KLHDC2: variants seen among roughly 807,000 people sequenced by gnomAD.
KLHDC2 encodes kelch domain-containing protein 2.
Under a neutral mutation model 62.3 loss-of-function variants are expected in KLHDC2, and 38 were observed. The observed-to-expected ratio is 0.61, with a 90% CI of 0.47 to 0.80. KLHDC2 has a LOEUF of 0.80. Among genes scored for constraint, KLHDC2 ranks in the 30% least tolerant of loss-of-function variants. KLHDC2 has a pLI of 0.00. For synonymous variants in KLHDC2, 159 were observed against 161.0 expected (o/e 0.99, Z 0.09); for missense variants, 430 against 495.3 (o/e 0.87, Z 1.25).
Position 49,768,554 on chromosome 14 carries a change from C to T in KLHDC2, c.86C>T (p.Pro29Leu). 1 of 1,608,756 alleles carries T rather than the reference C, an allele frequency of 6.2e-7. No homozygotes were observed. The highest frequency in any genetic ancestry group is 8.5e-7 in the Non-Finnish European group (1 of 1,178,216). ...TATGAGTCCATGGAGCTTGCCTGCC[C>T]CGCTGAGCGCAGCGGCCACGTAGCC... Reference protein sequence around the residue: ...ESYESMELACPAERSGHVAVS... With the variant: ...ESYESMELACLAERSGHVAVS... The change falls in exon 1 of 13, where the codon CCC becomes CTC. Residue 29 changes from proline to leucine, a missense_variant. Transcript: ENST00000298307.
rs1184234661 is a variant in KLHDC2, at chr14:49,784,674, C to T, written c.*1721C>T. The T allele has an allele frequency of 6.2e-7, 1 of 1,612,690 alleles. No individual in the cohort carries two copies. Among genetic ancestry groups the T allele is most frequent in the South Asian group, 1.1e-5 (1 of 90,764 alleles). ...ACGTTCAGAAGATTGGGTGCAGACA[C>T]TTTCACTTTGCCAGGAATGTTTCTT... On this transcript the variant is annotated 3_prime_UTR_variant, in exon 13 of 13. Transcript: ENST00000298307.
intron 10 of KLHDC2, 79 bp from the exon 11 acceptor site, chr14:49,782,291 T>G: frequency 1.2e-6 from 1 of 860,738 alleles, no homozygotes; most frequent in Non-Finnish European, 1.8e-6. Context: ...TAGTCTTTAT[T>G]TCATAGCTCT....
At position 49,775,600 on chromosome 14, in the gene KLHDC2, G is replaced by C. The variant is rs187579190; in HGVS notation, c.351+922G>C. 4.8e-3 allele frequency among the ~76,000 whole-genome samples: 694 copies of C among 143,148 alleles called. 4 individuals are homozygous for C. The highest frequency in any genetic ancestry group is 6.6e-3 in the Non-Finnish European group (435 of 66,280). The allele number at this position is 143,148 out of a possible 152,430, so 93.9% of individuals were successfully genotyped here. On this transcript the variant is annotated intron_variant, in intron 3 of 12. Coordinates refer to ENST00000298307, the MANE Select transcript of KLHDC2 (RefSeq NM_014315.3). Reference sequence around the variant, plus strand: ...TTGGAAGGAGTAGCCAAGATACAGAGATATAAGCAAATGTCTTTTTTTTTT... The same window carrying C: ...TTGGAAGGAGTAGCCAAGATACAGACATATAAGCAAATGTCTTTTTTTTTT...
chr14:49,768,787 A>C, intron 1 of KLHDC2, 166 bp downstream of exon 1: 1 of 610,918 alleles, frequency 1.6e-6, no homozygotes, highest in Non-Finnish European at 2.7e-6. Flanking sequence ...GCGCGCGGGA[A>C]TCTTCCTTCT....
At chr14:49,775,951 C>T (rs1889764157) in intron 3 of KLHDC2, among the ~76,000 whole-genome samples, 1 of 151,982 alleles carries the variant, frequency 6.6e-6, no homozygotes. Flanking sequence ...TATGGAAATT[C>T]CAAGTGGATG....
intron 3 of KLHDC2, among the ~76,000 whole-genome samples, chr14:49,775,669 C>G (rs1049600610): frequency 7.5e-6 from 1 of 132,796 alleles, no homozygotes. Flanking sequence ...CTCTGTCGCC[C>G]AGGCTGGAGT....
At chr14:49,782,303 T>G in intron 10 of KLHDC2, 67 bp from the exon 11 acceptor site, 1 of 965,374 alleles carries the variant, frequency 1.0e-6, no homozygotes, top group South Asian at 1.5e-5. Flanking sequence ...CATAGCTCTA[T>G]TCTGTAGTAT....
Position 49,786,213 on chromosome 14 carries a change from GAATT to G in KLHDC2, c.*3263_*3266del, listed in dbSNP as rs1243321327. On this transcript the variant is annotated 3_prime_UTR_variant, in exon 13 of 13. Coordinates refer to ENST00000298307, the MANE Select transcript of KLHDC2 (RefSeq NM_014315.3). ...TGAATGGGACAGACCCCACAACAAA[GAATT>G]AACCAACCCCTAATGTTAATAGTGC... 1 of 157,674 alleles carries G rather than the reference GAATT, an allele frequency of 6.3e-6. No homozygotes were observed. The highest frequency in any genetic ancestry group is 2.4e-5 in the African/African-American group (1 of 41,422). 9.8% of individuals were successfully genotyped at this position (157,674 alleles called of 1,614,324 possible).
chr14:49,771,786 C>G (rs759520140), intron 2 of KLHDC2, 113 bp downstream of exon 2: 8 of 600,544 alleles, frequency 1.3e-5, no homozygotes, highest in Non-Finnish European at 2.4e-5. Flanking sequence ...GCGGATCTCT[C>G]GAGGTCAAGA....
At chr14:49,772,173 G>A (rs1889678554) in intron 2 of KLHDC2, among the ~76,000 whole-genome samples, 1 of 152,042 alleles carries the variant, frequency 6.6e-6, no homozygotes, top group South Asian at 2.1e-4. Flanking sequence ...AAGTATCATA[G>A]TAATATTTAA....
intron 12 of KLHDC2, 62 bp from the exon 13 acceptor site, chr14:49,782,768 A>C: frequency 6.4e-7 from 1 of 1,559,702 alleles, no homozygotes; most frequent in Non-Finnish European, 8.7e-7. Context: ...GTAGTTTTTC[A>C]AGTGAATGTA....
intron 4 of KLHDC2, 73 bp from the exon 5 acceptor site, chr14:49,778,105 A>G: frequency 9.7e-7 from 1 of 1,031,140 alleles, no homozygotes; most frequent in Non-Finnish European, 1.5e-6. Flanking sequence ...TTAACACAGC[A>G]CCTAAGATAA....
intron 2 of KLHDC2, among the ~76,000 whole-genome samples, chr14:49,773,935 ATAT>A (rs1246447762): frequency 6.6e-6 from 1 of 152,198 alleles, no homozygotes; most frequent in Non-Finnish European, 1.5e-5. Flanking sequence ...GCAAAGATAA[ATAT>A]TATTATATCT....
Position 49,780,387 on chromosome 14 carries a change from G to A in KLHDC2, c.883+65G>A, listed in dbSNP as rs547064741. 8.4e-6 allele frequency: 9 copies of A among 1,068,198 alleles called. No individual in the cohort carries two copies. The African/African-American group carries it at 1.2e-4, about 15-fold the overall frequency. 66.2% of individuals were successfully genotyped at this position (1,068,198 alleles called of 1,614,324 possible). Reference sequence around the variant, plus strand: ...TCATCCATATCTAATAGCTGAAAATGAGTCTATTAGAGACTGATGAGACGG... The same window carrying A: ...TCATCCATATCTAATAGCTGAAAATAAGTCTATTAGAGACTGATGAGACGG... On this transcript the variant is annotated intron_variant, in intron 9 of 12. Coordinates refer to ENST00000298307, the MANE Select transcript of KLHDC2 (RefSeq NM_014315.3).
chr14:49,782,166 A>G, intron 10 of KLHDC2: 1 of 527,234 alleles, frequency 1.9e-6, no homozygotes, highest in South Asian at 2.9e-5. Context: ...GAGAACGACC[A>G]GAGAGAGAAA....
intron 2 of KLHDC2, among the ~76,000 whole-genome samples, chr14:49,773,338 C>T (rs1276333759): frequency 5.6e-5 from 8 of 142,632 alleles, no homozygotes. Context: ...GGCGTGAACC[C>T]GGAAGGCAGA....
In KLHDC2 at chr14:49,773,413, C is replaced by CAAAA. The variant is rs34740472; in HGVS notation, c.234-1132_234-1129dup. ...TGGGCGAAAGAGTCAGACTCCATCT[C>CAAAA]AAAAAAAAAAAAAAAAAAATTTAAG... On this transcript the variant is annotated intron_variant, in intron 2 of 12. Transcript: ENST00000298307. Among the ~76,000 whole-genome samples, 55 of 70,100 alleles carry CAAAA rather than the reference C, an allele frequency of 7.8e-4. No homozygotes were observed. In the South Asian group the frequency reaches 0.019, roughly 25 times the overall value. The allele number at this position is 70,100 out of a possible 152,430, so 46.0% of individuals were successfully genotyped here. A position where few individuals can be genotyped will look rare whatever the true frequency, so the allele number is the denominator to read the frequency against.
intron 1 of KLHDC2, among the ~76,000 whole-genome samples, chr14:49,769,611 GT>G (rs1889618804): frequency 6.6e-6 from 1 of 152,134 alleles, no homozygotes; most frequent in Non-Finnish European, 1.5e-5. Context: ...AATCTGCAGT[GT>G]TTTCCCCAGT....
intron 12 of KLHDC2, 69 bp from the exon 13 acceptor site, chr14:49,782,760 AG>A: frequency 3.3e-6 from 5 of 1,529,706 alleles, no homozygotes; most frequent in Non-Finnish European, 4.4e-6. Context: ...TGTTTTATGT[AG>A]TTTTTCAAGT....
Sources: allele counts gnomAD v4.1 joint callset (sites outside exome capture counted in the v4.1 genomes callset), GRCh38; gene constraint gnomAD v4.1.1; transcripts MANE v1.5; gene names NCBI Gene and HGNC (gene_info 2026-07-23, HGNC 2026-07-21).